Variants in DBX2 observed in about 807,000 individuals in gnomAD.
DBX2 encodes the protein developing brain homeobox 2.
DBX2 carries 16 observed loss-of-function variants against 17.7 expected under a neutral mutation model. The ratio of observed to expected loss-of-function variants is 0.90; its 90% CI spans 0.61 to 1.37. DBX2 has a LOEUF of 1.37. Ranked by LOEUF, DBX2 falls within the 40% of genes most tolerant of loss-of-function variation. The pLI, the probability that DBX2 is intolerant of heterozygous loss-of-function variation, is 0.00. For synonymous variants in DBX2, 255 were observed against 183.8 expected, an observed-to-expected ratio of 1.39 and a Z score of -3.13; for missense variants, 538 against 433.8, an observed-to-expected ratio of 1.24 and a Z score of -2.13.
At chr12:45,043,724 A>G (rs1344376308) in intron 1 of DBX2, among the ~76,000 whole-genome samples, 1 of 152,218 alleles carries the variant, frequency 6.6e-6, no homozygotes, top group Admixed American at 6.5e-5. Context: ...GTAAGAGAAA[A>G]TAATAAATTG....
chr12:45,044,298 G>A (rs764951240), intron 1 of DBX2, among the ~76,000 whole-genome samples: 1 of 151,852 alleles, frequency 6.6e-6, no homozygotes, highest in Non-Finnish European at 1.5e-5. Flanking sequence ...TCCAGCCCTA[G>A]GTTATCTATT....
intron 2 of DBX2, 24 bp downstream of exon 2, chr12:45,035,995 T>G: frequency 6.2e-7 from 1 of 1,601,756 alleles, no homozygotes; most frequent in Non-Finnish European, 8.5e-7. Flanking sequence ...ACTGAGGCAT[T>G]GCTGATGAAG....
chr12:45,040,399 T>A (rs1946464957), intron 1 of DBX2, among the ~76,000 whole-genome samples: 1 of 152,138 alleles, frequency 6.6e-6, no homozygotes, highest in Non-Finnish European at 1.5e-5. Flanking sequence ...TATATCCTAT[T>A]AGTTCTGTTC....
chr12:45,038,701 G>A (rs1946453413), intron 1 of DBX2, among the ~76,000 whole-genome samples: 1 of 130,912 alleles, frequency 7.6e-6, no homozygotes, highest in South Asian at 2.3e-4. Context: ...CCTAAAAGTG[G>A]GAAAATAAAA....
At chr12:45,031,420 CCTTAT>C (rs761745433) in intron 2 of DBX2, among the ~76,000 whole-genome samples, 1 of 151,878 alleles carries the variant, frequency 6.6e-6, no homozygotes, top group African/African-American at 2.4e-5. Context: ...GAAATCATTC[CCTTAT>C]AACAAGCCAA....
At chr12:45,033,406 T>C (rs1946420008) in intron 2 of DBX2, among the ~76,000 whole-genome samples, 1 of 152,120 alleles carries the variant, frequency 6.6e-6, no homozygotes, top group East Asian at 1.9e-4. Context: ...CCTTTGCTTG[T>C]ACAATGTTAA....
chr12:45,035,844 G>C (rs1263012430), intron 2 of DBX2, among the ~76,000 whole-genome samples, 175 bp downstream of exon 2: 2 of 152,144 alleles, frequency 1.3e-5, no homozygotes, highest in Admixed American at 6.5e-5. Context: ...CAATTGCTCA[G>C]TGTGCTGAGG....
chr12:45,038,835 T>C lies in DBX2; in HGVS notation c.404-2721A>G, dbSNP rs931299426. Among the ~76,000 whole-genome samples, 3 of 151,924 alleles carry C rather than the reference T, an allele frequency of 2.0e-5. No homozygotes were observed. The East Asian group carries it at 5.8e-4, about 29-fold the overall frequency. On this transcript the variant is annotated intron_variant, in intron 1 of 3. Transcript: ENST00000332700. ...CAGAAAAACCATTTTAATTGAATAG[T>C]CTATTATATCTCTCTACATTACCCT...
At chr12:45,035,980 G>T (rs1202831062) in intron 2 of DBX2, 39 bp downstream of exon 2, 2 of 1,575,960 alleles carry the variant, frequency 1.3e-6, no homozygotes, top group Non-Finnish European at 1.7e-6. Context: ...TTGGTTTACA[G>T]AATAACTGAG....
At chr12:45,024,622 C>T (rs1946371693) in intron 2 of DBX2, among the ~76,000 whole-genome samples, 1 of 152,186 alleles carries the variant, frequency 6.6e-6, no homozygotes, top group South Asian at 2.1e-4. Context: ...ATTTTGAACA[C>T]TTACTATATG....
rs934517602 is a variant in DBX2, at chr12:45,014,732, A to G, written c.*1554T>C. 2.6e-5 allele frequency: 4 copies of G among 152,210 alleles called. No homozygotes were observed. Among genetic ancestry groups the G allele is most frequent in the Non-Finnish European group, 5.9e-5 (4 of 68,034 alleles). The allele number at this position is 152,210 out of a possible 1,614,324, so 9.4% of individuals were successfully genotyped here. Reference sequence around the variant, plus strand: ...CAGCAGATCCCTGCTCCCATTCCCCACAATGAGGCACTGAGACACACTTCT... The same window carrying G: ...CAGCAGATCCCTGCTCCCATTCCCCGCAATGAGGCACTGAGACACACTTCT... On this transcript the variant is annotated 3_prime_UTR_variant, in exon 4 of 4. Transcript: ENST00000332700.
rs1377897653 is a variant in DBX2, at chr12:45,031,225, T to TGTGTGAGAGA, written c.499+4793_499+4794insTCTCTCACAC. Among the ~76,000 whole-genome samples the TGTGTGAGAGA allele has an allele frequency of 8.3e-3, 709 of 85,618 alleles. 4 individuals are homozygous for TGTGTGAGAGA. Among genetic ancestry groups the TGTGTGAGAGA allele is most frequent in the Non-Finnish European group, 9.5e-3 (427 of 45,084 alleles). The allele number at this position is 85,618 out of a possible 152,430, so 56.2% of individuals were successfully genotyped here. On this transcript the variant is annotated intron_variant, in intron 2 of 3. Transcript: ENST00000332700. ...GTGTGTGTGTGTGTGTGTGTGTGTGTGAGAGAGAGAGAGAGAGAGAGAGAG... is the reference window on the plus strand; with the variant it reads ...GTGTGTGTGTGTGTGTGTGTGTGTGTGTGTGAGAGAGAGAGAGAGAGAGAGAGAGAGAGAG...
At chr12:45,039,816 C>T (rs1449720662) in intron 1 of DBX2, among the ~76,000 whole-genome samples, 1 of 152,012 alleles carries the variant, frequency 6.6e-6, no homozygotes, top group Non-Finnish European at 1.5e-5. Flanking sequence ...CATGACTCTG[C>T]CAGCTATTCA....
chr12:45,026,344 A>G (rs2544102), intron 2 of DBX2, among the ~76,000 whole-genome samples: 76,254 of 152,066 alleles, frequency 0.5, 19,818 homozygotes, highest in East Asian at 0.8. Context: ...ATAAACATAC[A>G]CTGAACACCA....
At chr12:45,021,526 T>A (rs542594018) in intron 3 of DBX2, among the ~76,000 whole-genome samples, 2 of 152,278 alleles carry the variant, frequency 1.3e-5, no homozygotes, top group South Asian at 4.1e-4. Context: ...CTGCTTTCCA[T>A]CTTTTGACAC....
chr12:45,032,299 T>G (rs1946414866), intron 2 of DBX2, among the ~76,000 whole-genome samples: 1 of 152,212 alleles, frequency 6.6e-6, no homozygotes, highest in African/African-American at 2.4e-5. Flanking sequence ...CTCCTTTTTA[T>G]ATTAGAAAAA....
At chr12:45,035,597 A>G (rs1946435667) in intron 2 of DBX2, among the ~76,000 whole-genome samples, 1 of 152,124 alleles carries the variant, frequency 6.6e-6, no homozygotes, top group South Asian at 2.1e-4. Context: ...GACAATTTTA[A>G]ATTATTCTCC....
At chr12:45,045,869 G>A (rs150260162) in intron 1 of DBX2, among the ~76,000 whole-genome samples, 3 of 152,152 alleles carry the variant, frequency 2.0e-5, no homozygotes, top group East Asian at 1.9e-4. Flanking sequence ...TAAATTCTAC[G>A]TTTAATTCTA....
At chr12:45,028,102 A>G (rs550167953) in intron 2 of DBX2, among the ~76,000 whole-genome samples, 24 of 152,228 alleles carry the variant, frequency 1.6e-4, no homozygotes, top group Non-Finnish European at 3.2e-4. Context: ...TAGCATTTGC[A>G]GAGGCATGAA....
Sources: allele counts gnomAD v4.1 joint callset (sites outside exome capture counted in the v4.1 genomes callset), GRCh38; gene constraint gnomAD v4.1.1; transcripts MANE v1.5; gene names NCBI Gene and HGNC (gene_info 2026-07-23, HGNC 2026-07-21).